SEPTIN9: variants seen among roughly 807,000 people sequenced by gnomAD.
SEPTIN9 encodes septin-9.
Under a neutral mutation model 56.6 loss-of-function variants are expected in SEPTIN9, and 13 were observed. The ratio of observed to expected loss-of-function variants is 0.23; its 90% CI spans 0.15 to 0.37. The LOEUF is 0.37. Among genes scored for constraint, SEPTIN9 ranks in the 10% least tolerant of loss-of-function variants. The probability of loss-of-function intolerance (pLI) is 1.00; values close to 1 mark genes in which losing one functional copy is unlikely to be tolerated. For synonymous variants in SEPTIN9, 332 were observed against 334.1 expected (o/e 0.99, Z 0.07); for missense variants, 650 against 823.1 (o/e 0.79, Z 2.57).
chr17:77,289,024 G>C (rs989684670), intron 1 of SEPTIN9, among the ~76,000 whole-genome samples: 8 of 152,226 alleles, frequency 5.3e-5, no homozygotes, highest in Admixed American at 3.3e-4. Flanking sequence ...GAGCCTTCCT[G>C]GTAGCTGGGG....
rs547733807 is a variant in SEPTIN9, at chr17:77,317,982, C to T, written c.76+10785C>T. On this transcript the variant is annotated intron_variant, in intron 2 of 11. Transcript: ENST00000427177. This position sits in a 1 kb window ranked among gnomAD's most constrained non-coding sequence, Gnocchi z 4.2. Reference sequence around the variant, plus strand: ...AGAAGAATTGCTTGAACCCAGGTGGCGGAGGTTGCAGTGAACTGAGATAGT... The same window carrying T: ...AGAAGAATTGCTTGAACCCAGGTGGTGGAGGTTGCAGTGAACTGAGATAGT... 1.1e-3 allele frequency among the ~76,000 whole-genome samples: 167 copies of T among 152,140 alleles called. 1 individual carries two copies. The highest frequency in any genetic ancestry group is 3.8e-3 in the African/African-American group (156 of 41,508).
intron 1 of SEPTIN9, among the ~76,000 whole-genome samples, chr17:77,286,754 C>T (rs1322351277): frequency 6.6e-6 from 1 of 152,190 alleles, no homozygotes; most frequent in African/African-American, 2.4e-5. Context: ...TAAGATGGAC[C>T]TGATAAGGGG....
rs1485422240 is a variant in SEPTIN9 at position 77,405,141 on chromosome 17, G to A, written c.721+2438G>A. 1 of 1,533,664 alleles carries A rather than the reference G, an allele frequency of 6.5e-7. No individual in the cohort carries two copies. The highest frequency in any genetic ancestry group is 8.7e-7 in the Non-Finnish European group (1 of 1,145,108). On this transcript the variant is annotated intron_variant, in intron 3 of 11. Transcript: ENST00000427177. This position sits in a 1 kb window ranked among gnomAD's most constrained non-coding sequence, Gnocchi z 5.8. The stretch of plus-strand genomic sequence containing the variant: ...ACGTGGTCCTGGCTCTGGGGGACAG[G>A]TAGGGGGATGTCCATGGGGATGTAC...
chr17:77,314,146 G>A (rs909405958), intron 2 of SEPTIN9, among the ~76,000 whole-genome samples: 1 of 151,730 alleles, frequency 6.6e-6, no homozygotes, highest in African/African-American at 2.4e-5. Context: ...TCCAGCCTGG[G>A]CAAAGGGAGT....
In SEPTIN9 at chr17:77,286,410, C is replaced by T. The variant is rs115856537; in HGVS notation, c.19+4856C>T. On this transcript the variant is annotated intron_variant, in intron 1 of 11. Transcript: ENST00000427177. ...GTCCACCTTCTTCCTGGAACCACCC[C>T]CCACAAGTGTGACCAGCTCAAGCCA... is the stretch of plus-strand genomic sequence containing the variant. The T allele has an allele frequency of 4.1e-3, 621 of 152,608 alleles. 1 individual carries two copies. Among genetic ancestry groups the T allele is most frequent in the African/African-American group, 0.014 (594 of 41,574 alleles). The allele number at this position is 152,608 out of a possible 1,614,324, so 9.5% of individuals were successfully genotyped here.
rs919565361 is a variant in SEPTIN9 at position 77,475,806 on chromosome 17, C to T, written c.722-6338C>T. On this transcript the variant is annotated intron_variant, in intron 3 of 11. Transcript: ENST00000427177. The surrounding 1 kb of genome is among the most constrained non-coding windows in gnomAD (Gnocchi z 4.6). ...CAGGGTGTGGTGAGTGCCACCGGCTCCCCTGCCGTGGCCTGGTCAGTGGCT... is the reference window on the plus strand; with the variant it reads ...CAGGGTGTGGTGAGTGCCACCGGCTTCCCTGCCGTGGCCTGGTCAGTGGCT... 2 of 1,613,380 alleles carry T rather than the reference C, an allele frequency of 1.2e-6. No individual in the cohort carries two copies. The highest frequency in any genetic ancestry group is 3.3e-5 in the Admixed American group (2 of 60,028).
chr17:77,488,802 G>T lies in SEPTIN9; in HGVS notation c.1200G>T (p.Lys400Asn), dbSNP rs200085919. ...AGGAGGAGGTCAACATCAACCGCAA[G>T]AAGCGCATCCCGGACACCCGCGTCC... ...YLQEEVNINR[K>N]KRIPDTRVHC... is the part of the protein sequence containing the mutation. The change falls in exon 7 of 12, where the codon AAG becomes AAT. Residue 400 changes from lysine to asparagine, a missense_variant. This residue lies in a region of SEPTIN9 where 333 missense variants were observed against 494.0 expected (regional missense o/e 0.67). Transcript: ENST00000427177. The T allele has an allele frequency of 1.9e-6, 3 of 1,613,842 alleles. No individual in the cohort carries two copies. The East Asian group carries it at 6.7e-5, about 36-fold the overall frequency.
chr17:77,474,052 A>G (rs1326447996), intron 3 of SEPTIN9, among the ~76,000 whole-genome samples: 1 of 152,196 alleles, frequency 6.6e-6, no homozygotes, highest in East Asian at 1.9e-4. Flanking sequence ...ATAGTTAACA[A>G]TAGCTTCTCC....
intron 3 of SEPTIN9, among the ~76,000 whole-genome samples, chr17:77,443,920 G>T (rs2037641968): frequency 1.3e-5 from 2 of 152,226 alleles, no homozygotes; most frequent in South Asian, 2.1e-4. Flanking sequence ...GGGCCCTCCT[G>T]CTACAGAGAC....
intron 10 of SEPTIN9, among the ~76,000 whole-genome samples, chr17:77,495,844 C>CT (rs2040234823): frequency 6.6e-6 from 1 of 152,194 alleles, no homozygotes; most frequent in African/African-American, 2.4e-5. Flanking sequence ...GCCCTGCCTG[C>CT]TGGCCTACCA....
At position 77,445,419 on chromosome 17, in the gene SEPTIN9, G is replaced by A. The variant is rs1325574216; in HGVS notation, c.722-36725G>A. 2.1e-6 allele frequency: 1 copy of A among 469,792 alleles called. No individual in the cohort carries two copies. Among genetic ancestry groups the A allele is most frequent in the Non-Finnish European group, 4.4e-6 (1 of 227,044 alleles). The allele number at this position is 469,792 out of a possible 1,614,324, so 29.1% of individuals were successfully genotyped here. A position where few individuals can be genotyped will look rare whatever the true frequency, so the allele number is the denominator to read the frequency against. The stretch of plus-strand genomic sequence containing the variant: ...GGATGGATTGGAAAAGAGTTGGCAG[G>A]AAGGCTGAGCTCTGTGCTCACAACC... On this transcript the variant is annotated intron_variant, in intron 3 of 11. Transcript: ENST00000427177. The surrounding 1 kb of genome is among the most constrained non-coding windows in gnomAD (Gnocchi z 4.7).
At position 77,405,150 on chromosome 17, in the gene SEPTIN9, T is replaced by C; in HGVS notation, c.721+2447T>C. 1.3e-6 allele frequency: 2 copies of C among 1,532,534 alleles called. No individual in the cohort carries two copies. Among genetic ancestry groups the C allele is most frequent in the Admixed American group, 3.9e-5 (2 of 50,964 alleles). The allele number at this position is 1,532,534 out of a possible 1,614,324, so 94.9% of individuals were successfully genotyped here. The stretch of plus-strand genomic sequence containing the variant: ...TGGCTCTGGGGGACAGGTAGGGGGA[T>C]GTCCATGGGGATGTACAAGAACATT... On this transcript the variant is annotated intron_variant, in intron 3 of 11. Transcript: ENST00000427177. This position sits in a 1 kb window ranked among gnomAD's most constrained non-coding sequence, Gnocchi z 5.8.
At chr17:77,338,834 A>G (rs2033638438) in intron 2 of SEPTIN9, among the ~76,000 whole-genome samples, 1 of 152,250 alleles carries the variant, frequency 6.6e-6, no homozygotes, top group Non-Finnish European at 1.5e-5. Context: ...TTCCTTCAAA[A>G]TTAGAGTCAA....
intron 2 of SEPTIN9, among the ~76,000 whole-genome samples, chr17:77,309,364 G>T (rs565335343): frequency 6.6e-6 from 1 of 152,232 alleles, no homozygotes; most frequent in Non-Finnish European, 1.5e-5. Flanking sequence ...GACACACGGG[G>T]TCCTCCCTCT....
chr17:77,374,376 C>T (rs1374112696), intron 2 of SEPTIN9: 1 of 152,590 alleles, frequency 6.6e-6, no homozygotes, highest in Admixed American at 6.5e-5. Flanking sequence ...GTGCGCTTTC[C>T]TGCGTCCTCT....
intron 3 of SEPTIN9, among the ~76,000 whole-genome samples, chr17:77,410,073 G>A (rs2036238967): frequency 6.6e-6 from 1 of 152,166 alleles, no homozygotes; most frequent in Admixed American, 6.5e-5. Context: ...AGTCCAAGGG[G>A]GGCTCCTGGG....
At position 77,281,671 on chromosome 17, in the gene SEPTIN9, G is replaced by C. The variant is rs920143605; in HGVS notation, c.19+117G>C. ...CCGGAGCTGAGCGAGTCCCCGCGGC[G>C]GGCACACTGCAGGTCGAGTTCCTCC... On this transcript the variant is annotated intron_variant, in intron 1 of 11. Transcript: ENST00000427177. The C allele has an allele frequency of 5.8e-6, 6 of 1,037,862 alleles. No homozygotes were observed. The African/African-American group carries it at 6.8e-5, about 12-fold the overall frequency. The allele number at this position is 1,037,862 out of a possible 1,614,324, so 64.3% of individuals were successfully genotyped here.
At chr17:77,480,081 C>T (rs115693001) in intron 3 of SEPTIN9, among the ~76,000 whole-genome samples, 2,440 of 152,160 alleles carry the variant, frequency 0.016, 65 homozygotes, top group African/African-American at 0.056. Context: ...GTGGGGGCCA[C>T]GTGGGGGCAC....
At chr17:77,347,432 C>T (rs73371458) in intron 2 of SEPTIN9, among the ~76,000 whole-genome samples, 5,326 of 151,696 alleles carry the variant, frequency 0.035, 313 homozygotes, top group East Asian at 0.28. Flanking sequence ...CCATTTCTCC[C>T]TTTAATTCTT....
Sources: allele counts gnomAD v4.1 joint callset (sites outside exome capture counted in the v4.1 genomes callset), GRCh38; gene constraint gnomAD v4.1.1; regional missense constraint gnomAD v4.1.1; non-coding constraint Gnocchi (gnomAD v3.1); transcripts MANE v1.5; gene names NCBI Gene and HGNC (gene_info 2026-07-23, HGNC 2026-07-21).